PMFBP1: variants seen among roughly 807,000 people sequenced by gnomAD.
PMFBP1 encodes the protein polyamine modulated factor 1 binding protein 1, also known as polyamine-modulated factor 1-binding protein 1.
A neutral mutation model predicts 137.8 loss-of-function variants in PMFBP1; 131 were observed. The ratio of observed to expected loss-of-function variants is 0.95; its 90% confidence interval spans 0.82 to 1.10. PMFBP1 has a LOEUF of 1.10. PMFBP1 is among the 50% of genes least tolerant of loss of function. The pLI is 0.00. For missense variants in PMFBP1, 1,199 were observed against 1,175.4 expected, an observed-to-expected ratio of 1.02 and a Z score of -0.29; for synonymous variants, 490 against 450.4, an observed-to-expected ratio of 1.09 and a Z score of -1.11.
the PMFBP1 span, among the ~76,000 whole-genome samples, chr16:72,204,358 C>T: frequency 6.6e-6 from 1 of 151,964 alleles, no homozygotes; most frequent in African/African-American, 2.4e-5. Context: ...ATGGGGCGTG[C>T]ACCACCGCAC....
At chr16:72,117,829 A>C (rs537121748), downstream of PMFBP1, among the ~76,000 whole-genome samples, 1 of 152,228 alleles carries the variant, frequency 6.6e-6, no homozygotes, top group Admixed American at 6.5e-5. Flanking sequence ...GGCAACACTC[A>C]GTTTCCCTGC....
At chr16:72,213,828 C>T in the PMFBP1 span, among the ~76,000 whole-genome samples, 1 of 152,170 alleles carries the variant, frequency 6.6e-6, no homozygotes. Flanking sequence ...AAATTTTACA[C>T]ATAAACAGCA....
At chr16:72,183,375 G>A in the PMFBP1 span, among the ~76,000 whole-genome samples, 1 of 152,126 alleles carries the variant, frequency 6.6e-6, no homozygotes, top group African/African-American at 2.4e-5. Context: ...TCCTTCTAAG[G>A]GCTGTGATGG....
chr16:72,164,469 T>C (rs1049577508), intron 3 of PMFBP1: 3 of 1,401,132 alleles, frequency 2.1e-6, no homozygotes, highest in Middle Eastern at 3.8e-4. Flanking sequence ...TATGATCTGA[T>C]ATTTTCAGGG....
At chr16:72,198,973 C>T in the PMFBP1 span, among the ~76,000 whole-genome samples, 4 of 152,216 alleles carry the variant, frequency 2.6e-5, no homozygotes. Context: ...ATCTCCCCTG[C>T]CCCTTTTAAG....
At chr16:72,235,333 AG>A in the PMFBP1 span, among the ~76,000 whole-genome samples, 1 of 152,152 alleles carries the variant, frequency 6.6e-6, no homozygotes, top group African/African-American at 2.4e-5. Context: ...CTATAACATA[AG>A]GGGACACTTC....
intron 4 of PMFBP1, among the ~76,000 whole-genome samples, chr16:72,152,003 A>G (rs955866260): frequency 6.6e-6 from 1 of 152,120 alleles, no homozygotes; most frequent in South Asian, 2.1e-4. Context: ...GTTCTACACT[A>G]TCTCCCAGAG....
the PMFBP1 span, among the ~76,000 whole-genome samples, chr16:72,202,069 T>C: frequency 3.9e-5 from 6 of 152,234 alleles, no homozygotes; most frequent in African/African-American, 1.4e-4. Context: ...GTGGACACCA[T>C]GACTAGCATG....
intron 7 of PMFBP1, 101 bp from the exon 8 acceptor site, chr16:72,136,920 G>C: frequency 6.6e-7 from 1 of 1,506,266 alleles, no homozygotes; most frequent in Non-Finnish European, 9.0e-7. Context: ...TAGGGACAAA[G>C]TAGCAGAGTA....
At chr16:72,200,350 G>C in the PMFBP1 span, among the ~76,000 whole-genome samples, 15 of 152,222 alleles carry the variant, frequency 9.9e-5, no homozygotes, top group African/African-American at 3.6e-4. Context: ...ATTTATACTA[G>C]AGCAGAATTT....
intron 5 of PMFBP1, among the ~76,000 whole-genome samples, chr16:72,141,179 C>G (rs2042716457): frequency 6.6e-6 from 1 of 152,088 alleles, no homozygotes; most frequent in Non-Finnish European, 1.5e-5. Flanking sequence ...TCAGGTGATT[C>G]ACCCGCCTCA....
chr16:72,139,467 T>A (rs2144343246), intron 6 of PMFBP1, 68 bp from the exon 7 acceptor site: 1 of 1,161,144 alleles, frequency 8.6e-7, no homozygotes, highest in Middle Eastern at 2.0e-4. Context: ...TGACTATTAT[T>A]TCAGAGTGTT....
intron 5 of PMFBP1, among the ~76,000 whole-genome samples, chr16:72,148,427 AGTT>A (rs1288840390): frequency 6.6e-6 from 1 of 152,188 alleles, no homozygotes; most frequent in African/African-American, 2.4e-5. Flanking sequence ...GTAAATGACA[AGTT>A]GATAGGTGCA....
At chr16:72,170,428 A>G (rs1336051471) in intron 2 of PMFBP1, among the ~76,000 whole-genome samples, 1 of 151,942 alleles carries the variant, frequency 6.6e-6, no homozygotes, top group Non-Finnish European at 1.5e-5. Flanking sequence ...ACATAAACAT[A>G]GTTTGCTGCT....
At chr16:72,239,885 CAAAAAAAA>C in the PMFBP1 span, among the ~76,000 whole-genome samples, 1 of 21,402 alleles carries the variant, frequency 4.7e-5, no homozygotes, top group African/African-American at 2.3e-4. Context: ...ACTCCATGTA[CAAAAAAAA>C]AAAAAAAGAA....
intron 18 of PMFBP1, 42 bp from the exon 19 acceptor site, chr16:72,123,030 C>T (rs186642487): frequency 6.4e-7 from 1 of 1,571,966 alleles, no homozygotes; most frequent in Admixed American, 1.7e-5. Flanking sequence ...CAGTCGCCAG[C>T]CTCCCGCGAG....
the PMFBP1 span, among the ~76,000 whole-genome samples, chr16:72,200,742 T>C: frequency 6.6e-6 from 1 of 152,264 alleles, no homozygotes; most frequent in Non-Finnish European, 1.5e-5. Flanking sequence ...CTTTCATAAC[T>C]ATTACCTTAT....
At chr16:72,132,443 T>C (rs541795608) in intron 10 of PMFBP1, among the ~76,000 whole-genome samples, 1 of 151,976 alleles carries the variant, frequency 6.6e-6, no homozygotes, top group South Asian at 2.1e-4. Context: ...ATGGAGAGGA[T>C]TGTGGTGCAA....
chr16:72,178,869 T>A (rs116929512), upstream of PMFBP1, among the ~76,000 whole-genome samples: 1,006 of 152,170 alleles, frequency 6.6e-3, 3 homozygotes, highest in Middle Eastern at 0.027. Context: ...GGAACAATAA[T>A]ACCTACCTTA....
Sources: allele counts gnomAD v4.1 joint callset (sites outside exome capture counted in the v4.1 genomes callset), GRCh38; gene constraint gnomAD v4.1.1; transcripts MANE v1.5; gene names NCBI Gene and HGNC (gene_info 2026-07-23, HGNC 2026-07-21).